Variants in DNAH10 observed in about 807,000 individuals in gnomAD.
The protein encoded by DNAH10 is dynein axonemal heavy chain 10, also known as axonemal beta dynein heavy chain 10.
In DNAH10, 348 loss-of-function variants were observed where a neutral mutation model predicts 506.6. The ratio of observed to expected loss-of-function variants is 0.69; its 90% confidence interval spans 0.63 to 0.75. The LOEUF (loss-of-function observed/expected upper bound fraction) is 0.75, where lower values mean the gene tolerates loss of function less well. DNAH10 is among the 30% of genes least tolerant of loss of function. The pLI, the probability that DNAH10 is intolerant of heterozygous loss-of-function variation, is 0.00. For synonymous variants in DNAH10, 2,059 were observed against 2,198.6 expected (o/e 0.94, Z 1.78); for missense variants, 5,179 against 5,787.1 (o/e 0.89, Z 3.41).
chr12:123,887,027 C>T (rs1952764597), intron 51 of DNAH10, 115 bp from the exon 52 acceptor site: 6 of 1,283,418 alleles, frequency 4.7e-6, no homozygotes, highest in Non-Finnish European at 6.2e-6. Flanking sequence ...CCTACTTCCT[C>T]GAGCTTGGAC....
intron 48 of DNAH10, 123 bp from the exon 49 acceptor site, chr12:123,879,141 C>T (rs968340138): frequency 1.9e-5 from 14 of 745,874 alleles, no homozygotes; most frequent in South Asian, 9.1e-5. Context: ...TAGGGGGGCA[C>T]GACTGGAGAA....
chr12:123,879,304 G>A lies in DNAH10; in HGVS notation c.8413G>A (p.Glu2805Lys). Residue 2805 changes from glutamate to lysine, a missense_variant, in exon 49 of 79, where the codon GAG (glutamate) becomes AAG (lysine). Physicochemically the swap from Glu to Lys is moderately conservative, Grantham distance 56. This residue lies in a region of DNAH10 where 4,844 missense variants were observed against 5,430.5 expected (regional missense o/e 0.89). Transcript: ENST00000673944. ...VAQMVRVWRN[E>K]CLRVFHDRLI... ...CCAGATGGTGAGAGTCTGGAGGAAT[G>A]AGTGTCTGAGAGTCTTCCACGACCG... 1 of 1,580,018 alleles carries A rather than the reference G, an allele frequency of 6.3e-7. No individual in the cohort carries two copies. The highest frequency in any genetic ancestry group is 8.6e-7 in the Non-Finnish European group (1 of 1,162,440).
At chr12:123,854,407 T>G (rs1456791526) in intron 36 of DNAH10, among the ~76,000 whole-genome samples, 3 of 152,150 alleles carry the variant, frequency 2.0e-5, no homozygotes, top group African/African-American at 7.2e-5. Context: ...TGCAGCAGTC[T>G]CTCCTCCTAG....
At chr12:123,868,282 G>A (rs150491333) in intron 43 of DNAH10, among the ~76,000 whole-genome samples, 163 bp downstream of exon 43, 233 of 152,216 alleles carry the variant, frequency 1.5e-3, no homozygotes, top group African/African-American at 5.2e-3. Context: ...GAACACCCAG[G>A]AGCGGTTCAC....
chr12:123,803,338 G>A (rs1032096978), intron 16 of DNAH10, among the ~76,000 whole-genome samples: 5 of 152,192 alleles, frequency 3.3e-5, no homozygotes, highest in African/African-American at 1.2e-4. Context: ...GGCAGGTGGT[G>A]CAGAGTGGAG....
At chr12:123,865,321 G>A (rs1951762596) in intron 40 of DNAH10, among the ~76,000 whole-genome samples, 1 of 151,124 alleles carries the variant, frequency 6.6e-6, no homozygotes, top group Admixed American at 6.6e-5. Context: ...TTTATTTCCT[G>A]GAGGCTATTC....
Position 123,787,895 on chromosome 12 carries a change from A to T in DNAH10, c.1513A>T (p.Ile505Leu), listed in dbSNP as rs200629703. 2.0e-5 allele frequency: 32 copies of T among 1,613,492 alleles called. 2 individuals carry two copies. In the Middle Eastern group the frequency reaches 9.9e-4, roughly 50 times the overall value. The change falls in exon 10 of 79, where the codon ATA becomes TTA. Residue 505 changes from isoleucine (I) to leucine (L), a missense_variant. Physicochemically the swap from Ile to Leu is conservative, Grantham distance 5. Around this residue, in one of 3 missense-constraint regions of DNAH10, gnomAD observed 4,844 missense variants for 5,430.5 expected, o/e 0.89. Transcript: ENST00000673944. The surrounding 1 kb of genome is among the most constrained non-coding windows in gnomAD (Gnocchi z 4.6). ...GGCCTATTTTGACACCCGGGCCAAG[A>T]TAGAGGCTTCGGGGAGGGAAGATCG... is the stretch of plus-strand genomic sequence containing the variant. ...KKAYFDTRAKIEASGREDRWE... is the reference protein window; with the variant it reads ...KKAYFDTRAKLEASGREDRWE...
chr12:123,921,706 T>G (rs1243132791), intron 65 of DNAH10, among the ~76,000 whole-genome samples: 1 of 54,972 alleles, frequency 1.8e-5, no homozygotes, highest in African/African-American at 8.0e-5. Flanking sequence ...TTTTTTTTTT[T>G]TTTTTTTTTT....
Position 123,835,417 on chromosome 12 carries a change from G to T in DNAH10, c.4791G>T (p.Leu1597Phe). Reference sequence around the variant, plus strand: ...TTGTACATTTACAGATTTGGATGTTGGTTCAGAGAAAATGGATGTATCTTG... The same window carrying T: ...TTGTACATTTACAGATTTGGATGTTTGTTCAGAGAAAATGGATGTATCTTG... The part of the protein sequence containing the change: ...LIGEVIEIWM[L>F]VQRKWMYLES... The change falls in exon 28 of 79, where the codon TTG (leucine) becomes TTT (phenylalanine). Residue 1597 changes from leucine (L) to phenylalanine (F), a missense_variant. By Grantham distance (22) the Leu-to-Phe change is conservative. Transcript: ENST00000673944. The T allele has an allele frequency of 6.2e-7, 1 of 1,611,940 alleles. No homozygotes were observed. Among genetic ancestry groups the T allele is most frequent in the Non-Finnish European group, 8.5e-7 (1 of 1,178,960 alleles).
Position 123,871,493 on chromosome 12 carries a change from T to C in DNAH10, c.7676T>C (p.Leu2559Ser), listed in dbSNP as rs1952034782. ...TVDTTRTTWI[L>S]EQMVKIKQPV... Reference sequence around the variant, plus strand: ...GATACCACTCGGACTACCTGGATATTGGAACAAATGGTTAAAATTAAGCAA... The same window carrying C: ...GATACCACTCGGACTACCTGGATATCGGAACAAATGGTTAAAATTAAGCAA... Residue 2559 changes from leucine (L) to serine (S), a missense_variant, in exon 45 of 79, where the codon TTG (leucine) becomes TCG (serine). This residue lies in a region of DNAH10 where 4,844 missense variants were observed against 5,430.5 expected (regional missense o/e 0.89). Coordinates refer to ENST00000673944, the MANE Select transcript of DNAH10 (RefSeq NM_001372106.1). 1.3e-6 allele frequency: 2 copies of C among 1,575,396 alleles called. No homozygotes were observed. Among genetic ancestry groups the C allele is most frequent in the African/African-American group, 2.7e-5 (2 of 74,274 alleles).
intron 26 of DNAH10, among the ~76,000 whole-genome samples, chr12:123,832,702 G>T (rs1166543524): frequency 1.3e-5 from 2 of 152,064 alleles, no homozygotes; most frequent in Non-Finnish European, 2.9e-5. Context: ...TTTGTAATTT[G>T]GTTTTTGTGA....
Position 123,867,997 on chromosome 12 carries a change from G to GCT in DNAH10, c.7402_7403dup (p.Gly2469TrpfsTer11). On this transcript the variant is annotated frameshift_variant, in exon 43 of 79. Coordinates refer to ENST00000673944, the MANE Select transcript of DNAH10 (RefSeq NM_001372106.1). LOFTEE classifies it high-confidence loss of function. ...TGCTACTTCCTGGAGGCTTTGTACT[G>GCT]CTCTCTGGGAGCCTCCCTGCTTGAG... The GCT allele has an allele frequency of 6.2e-7, 1 of 1,613,882 alleles. No homozygotes were observed. The highest frequency in any genetic ancestry group is 8.5e-7 in the Non-Finnish European group (1 of 1,179,864).
chr12:123,769,147 G>A (rs1957156709), intron 2 of DNAH10, among the ~76,000 whole-genome samples: 1 of 151,902 alleles, frequency 6.6e-6, no homozygotes. Flanking sequence ...GTTTAAAGTG[G>A]GTTTTTGGTT....
chr12:123,822,789 G>C (rs1280854248), intron 24 of DNAH10, among the ~76,000 whole-genome samples: 1 of 152,166 alleles, frequency 6.6e-6, no homozygotes, highest in African/African-American at 2.4e-5. Flanking sequence ...GGAGAACACT[G>C]ACGTCCCAGC....
chr12:123,785,651 AAAAG>A lies in DNAH10; in HGVS notation c.1231-93_1231-90del. 8.3e-7 allele frequency: 1 copy of A among 1,206,740 alleles called. No homozygotes were observed. Among genetic ancestry groups the A allele is most frequent in the Non-Finnish European group, 1.1e-6 (1 of 901,804 alleles). The allele number at this position is 1,206,740 out of a possible 1,614,324, so 74.8% of individuals were successfully genotyped here. A position where few individuals can be genotyped will look rare whatever the true frequency, so the allele number is the denominator to read the frequency against. Reference sequence around the variant, plus strand: ...TGGTCTCAAGGAAAAAAAAAAAAAAAAAAGAGTGAAACTTCTTGCATGCTTACTG... The same window carrying A: ...TGGTCTCAAGGAAAAAAAAAAAAAAAAGTGAAACTTCTTGCATGCTTACTG... On this transcript the variant is annotated intron_variant, in intron 8 of 78. Coordinates refer to ENST00000673944, the MANE Select transcript of DNAH10 (RefSeq NM_001372106.1). The surrounding 1 kb of genome is among the most constrained non-coding windows in gnomAD (Gnocchi z 4.1).
rs146775974 is a variant in DNAH10 at position 123,787,385 on chromosome 12, A to ATCTC, written c.1422-405_1422-402dup. ...TATGTATCCATATCTATTTATATAC[A>ATCTC]TCTCTCTCTCTCTCTCTATCTACCT... On this transcript the variant is annotated intron_variant, in intron 9 of 78. Transcript: ENST00000673944. The surrounding 1 kb of genome is among the most constrained non-coding windows in gnomAD (Gnocchi z 4.6). Among the ~76,000 whole-genome samples the ATCTC allele has an allele frequency of 1.3e-5, 2 of 150,440 alleles. No individual in the cohort carries two copies. Among genetic ancestry groups the ATCTC allele is most frequent in the East Asian group, 1.9e-4 (1 of 5,148 alleles).
chr12:123,926,301 G>T lies in DNAH10; in HGVS notation c.11922-336G>T. The T allele has an allele frequency of 7.5e-6, 2 of 268,196 alleles. No homozygotes were observed. The highest frequency in any genetic ancestry group is 6.9e-6 in the Non-Finnish European group (1 of 144,790). The allele number at this position is 268,196 out of a possible 1,614,324, so 16.6% of individuals were successfully genotyped here. On this transcript the variant is annotated intron_variant, in intron 68 of 78. Coordinates refer to ENST00000673944, the MANE Select transcript of DNAH10 (RefSeq NM_001372106.1). The surrounding 1 kb of genome is among the most constrained non-coding windows in gnomAD (Gnocchi z 4.1). ...ACAAAACACAAAACTCAAAACTCAA[G>T]ATGTGGACCATTCAGGACACGCCTG...
At chr12:123,823,576 TG>T (rs1959649223) in intron 24 of DNAH10, among the ~76,000 whole-genome samples, 1 of 152,230 alleles carries the variant, frequency 6.6e-6, no homozygotes, top group Admixed American at 6.5e-5. Flanking sequence ...TCATGAGAAC[TG>T]AGAACAACCA....
At position 123,931,659 on chromosome 12, in the gene DNAH10, C is replaced by T. The variant is rs369027501; in HGVS notation, c.12940C>T (p.Arg4314Cys). The T allele has an allele frequency of 3.8e-5, 61 of 1,613,924 alleles. No homozygotes were observed. The highest frequency in any genetic ancestry group is 2.9e-4 in the African/African-American group (22 of 75,024). Residue 4314 changes from arginine (R) to cysteine (C), a missense_variant, in exon 75 of 79, where the codon CGC becomes TGC. By Grantham distance (180) the Arg-to-Cys change is radical. Around this residue, in one of 3 missense-constraint regions of DNAH10, gnomAD observed 4,844 missense variants for 5,430.5 expected, o/e 0.89. Transcript: ENST00000673944. ...AGGGGAATCCAGCAGTGGTATCAGC[C>T]GCGATGATTATATTGGCCAAGTGGC... is the stretch of plus-strand genomic sequence containing the variant. The part of the protein sequence containing the change: ...QTGESSSGIS[R>C]DDYIGQVAKE...
Sources: gnomAD v4.1 joint callset for allele counts (sites outside exome capture counted in the v4.1 genomes callset) on GRCh38, gnomAD v4.1.1 for gene constraint, gnomAD v4.1.1 regional missense constraint, Gnocchi (gnomAD v3.1) non-coding constraint, MANE v1.5 for transcripts, NCBI Gene and HGNC (gene_info 2026-07-23, HGNC 2026-07-21) for gene names.